Variants in C8orf34 observed in about 807,000 individuals in gnomAD.
C8orf34 encodes the protein chromosome 8 open reading frame 34.
In C8orf34, 65 loss-of-function variants were observed where a neutral mutation model predicts 68.3. The observed-to-expected ratio is 0.95, with a 90% CI of 0.78 to 1.17. The LOEUF (loss-of-function observed/expected upper bound fraction) is 1.17. Ranked by LOEUF, C8orf34 falls within the 50% of genes most tolerant of loss-of-function variation. The pLI is 0.00. For missense variants in C8orf34, 664 were observed against 655.4 expected, an observed-to-expected ratio of 1.01 and a Z score of -0.14; for synonymous variants, 244 against 241.2, an observed-to-expected ratio of 1.01 and a Z score of -0.11.
At chr8:68,418,091 G>T (rs537380831) in intron 1 of C8orf34, among the ~76,000 whole-genome samples, 2,267 of 131,080 alleles carry the variant, frequency 0.017, 44 homozygotes, top group South Asian at 0.029. Context: ...TTTGGCTCTT[G>T]GTTTGTCTGT....
At chr8:68,807,873 G>C (rs1824532755) in intron 12 of C8orf34, among the ~76,000 whole-genome samples, 1 of 152,234 alleles carries the variant, frequency 6.6e-6, no homozygotes, top group Admixed American at 6.5e-5. Context: ...GAGAGGGCTG[G>C]TATATTTCCA....
At chr8:68,408,342 T>A (rs1809291836) in intron 1 of C8orf34, among the ~76,000 whole-genome samples, 1 of 151,660 alleles carries the variant, frequency 6.6e-6, no homozygotes, top group African/African-American at 2.4e-5. Context: ...GTAATAATAA[T>A]ATAAATAAAG....
intron 1 of C8orf34, among the ~76,000 whole-genome samples, chr8:68,432,225 CA>C (rs1810480649): frequency 6.6e-6 from 1 of 150,970 alleles, no homozygotes. Flanking sequence ...ATCTTGTATG[CA>C]ATTCTTAAAT....
chr8:68,694,995 C>A (rs1036848953), intron 8 of C8orf34, among the ~76,000 whole-genome samples: 1 of 151,758 alleles, frequency 6.6e-6, no homozygotes, highest in Non-Finnish European at 1.5e-5. Context: ...ATTTACTATC[C>A]GAATTTATAT....
intron 1 of C8orf34, among the ~76,000 whole-genome samples, chr8:68,353,234 G>A (rs1320358561): frequency 6.6e-6 from 1 of 151,980 alleles, no homozygotes; most frequent in East Asian, 1.9e-4. Context: ...GACAGAAAAT[G>A]TGGCCTTGGA....
intron 10 of C8orf34, among the ~76,000 whole-genome samples, chr8:68,724,827 G>A (rs897489924): frequency 2.6e-5 from 4 of 152,002 alleles, no homozygotes; most frequent in Non-Finnish European, 4.4e-5. Context: ...ACTTAATGTC[G>A]ATGATTTTGG....
intron 1 of C8orf34, among the ~76,000 whole-genome samples, chr8:68,344,442 G>A (rs1316183964): frequency 6.6e-6 from 1 of 151,958 alleles, no homozygotes; most frequent in East Asian, 1.9e-4. Flanking sequence ...ACAACATCAG[G>A]GATTCTTATT....
chr8:68,398,386 C>T (rs983504189), intron 1 of C8orf34, among the ~76,000 whole-genome samples: 4 of 152,054 alleles, frequency 2.6e-5, no homozygotes, highest in African/African-American at 9.7e-5. Context: ...AATATATGCT[C>T]ATAGGTTGAT....
chr8:68,465,815 G>C (rs1265593326), intron 3 of C8orf34, among the ~76,000 whole-genome samples: 5 of 151,874 alleles, frequency 3.3e-5, no homozygotes, highest in South Asian at 2.1e-4. Context: ...GTGGGGGCAG[G>C]GGGGAGGGAT....
Position 68,346,418 on chromosome 8 carries a change from A to G in C8orf34, c.327+15079A>G, listed in dbSNP as rs548479452. The stretch of plus-strand genomic sequence containing the variant: ...CATCCTCCACCAGAGTGTAACATTT[A>G]TTACAATTGATGAACCTACATTGAC... On this transcript the variant is annotated intron_variant, in intron 1 of 13. Coordinates refer to ENST00000518698, the MANE Select transcript of C8orf34 (RefSeq NM_052958.4). 1.9e-4 allele frequency among the ~76,000 whole-genome samples: 29 copies of G among 152,174 alleles called. No individual in the cohort carries two copies. The South Asian group carries it at 4.8e-3, about 25-fold the overall frequency.
intron 8 of C8orf34, among the ~76,000 whole-genome samples, chr8:68,647,733 GA>G (rs1219280727): frequency 2.0e-5 from 3 of 152,120 alleles, no homozygotes; most frequent in African/African-American, 7.2e-5. Flanking sequence ...ATAGTTATAA[GA>G]AATAAAGAAA....
chr8:68,452,434 CT>C (rs927033809), intron 3 of C8orf34, among the ~76,000 whole-genome samples: 1 of 150,404 alleles, frequency 6.6e-6, no homozygotes, highest in African/African-American at 2.4e-5. Context: ...CTTTCCTTTC[CT>C]TTTTTAAAAA....
intron 8 of C8orf34, among the ~76,000 whole-genome samples, chr8:68,685,914 A>G (rs1444983780): frequency 2.0e-5 from 3 of 151,424 alleles, no homozygotes; most frequent in African/African-American, 7.3e-5. Flanking sequence ...AAATAAATAA[A>G]TAAATAAATG....
At chr8:68,495,272 A>G (rs1034080956) in intron 5 of C8orf34, among the ~76,000 whole-genome samples, 1 of 151,226 alleles carries the variant, frequency 6.6e-6, no homozygotes, top group Non-Finnish European at 1.5e-5. Context: ...ACATGTAACA[A>G]TAATATATAT....
At chr8:68,739,969 T>C (rs879605230) in intron 10 of C8orf34, among the ~76,000 whole-genome samples, 1 of 152,162 alleles carries the variant, frequency 6.6e-6, no homozygotes, top group Non-Finnish European at 1.5e-5. Flanking sequence ...AACTATCTGA[T>C]CTTCAACAAA....
chr8:68,704,381 G>A (rs1821105339), intron 8 of C8orf34, among the ~76,000 whole-genome samples: 1 of 152,014 alleles, frequency 6.6e-6, no homozygotes, highest in Non-Finnish European at 1.5e-5. Flanking sequence ...TGACACAGAG[G>A]CTTAATAACA....
intron 7 of C8orf34, among the ~76,000 whole-genome samples, chr8:68,593,664 TTTCTC>T (rs1165856071): frequency 6.6e-6 from 1 of 152,052 alleles, no homozygotes; most frequent in African/African-American, 2.4e-5. Flanking sequence ...ATTTACAGCT[TTTCTC>T]TTATTTTTCT....
chr8:68,763,702 A>G (rs1338731336), intron 10 of C8orf34, among the ~76,000 whole-genome samples: 1 of 152,224 alleles, frequency 6.6e-6, no homozygotes, highest in South Asian at 2.1e-4. Flanking sequence ...TCTTCTGATG[A>G]CATCTTCTAT....
At chr8:68,480,901 C>A (rs1217107721) in intron 4 of C8orf34, among the ~76,000 whole-genome samples, 1 of 152,062 alleles carries the variant, frequency 6.6e-6, no homozygotes, top group East Asian at 1.9e-4. Flanking sequence ...CCTGACTTTG[C>A]AATAGAAAAG....
Sources: allele counts gnomAD v4.1 joint callset (sites outside exome capture counted in the v4.1 genomes callset), GRCh38; gene constraint gnomAD v4.1.1; transcripts MANE v1.5; gene names NCBI Gene and HGNC (gene_info 2026-07-23, HGNC 2026-07-21).